AKR1C8: variants seen among roughly 807,000 people sequenced by gnomAD.
The protein encoded by AKR1C8 is aldo-keto reductase family 1 member C-like protein 1.
chr10:5,137,322 C>G, the AKR1C8 span, among the ~76,000 whole-genome samples: 3 of 152,074 alleles, frequency 2.0e-5, no homozygotes, highest in African/African-American at 7.2e-5. Flanking sequence ...ACCAATATCC[C>G]TGATGAGCAT....
chr10:5,178,841 C>T, the AKR1C8 span, among the ~76,000 whole-genome samples: 1 of 151,984 alleles, frequency 6.6e-6, no homozygotes, highest in Non-Finnish European at 1.5e-5. Context: ...GTAGATCTTC[C>T]TCCATCCTTT....
At chr10:5,135,434 G>T in the AKR1C8 span, among the ~76,000 whole-genome samples, 2 of 152,188 alleles carry the variant, frequency 1.3e-5, no homozygotes, top group South Asian at 4.2e-4. Context: ...TTATCAAAGA[G>T]AATTCTTAAG....
At chr10:5,176,050 C>T in the AKR1C8 span, among the ~76,000 whole-genome samples, 7 of 151,732 alleles carry the variant, frequency 4.6e-5, no homozygotes, top group Non-Finnish European at 1.0e-4. Flanking sequence ...GAAGTCCTTG[C>T]CCATGCCTAT....
the AKR1C8 span, among the ~76,000 whole-genome samples, chr10:5,145,603 A>T: frequency 6.6e-6 from 1 of 152,248 alleles, no homozygotes; most frequent in Non-Finnish European, 1.5e-5. Flanking sequence ...AAAAATGCTC[A>T]TCATCACTGG....
the AKR1C8 span, among the ~76,000 whole-genome samples, chr10:5,180,302 T>C: frequency 6.6e-6 from 1 of 152,226 alleles, no homozygotes; most frequent in Admixed American, 6.5e-5. Context: ...TTTCATGAAC[T>C]GCGAATGCTG....
chr10:5,173,374 G>C, the AKR1C8 span, among the ~76,000 whole-genome samples: 2 of 152,128 alleles, frequency 1.3e-5, no homozygotes, highest in Non-Finnish European at 2.9e-5. Flanking sequence ...GGATGGCAGA[G>C]GTGGTTTTTG....
At chr10:5,153,825 G>T in the AKR1C8 span, among the ~76,000 whole-genome samples, 1 of 152,072 alleles carries the variant, frequency 6.6e-6, no homozygotes, top group Non-Finnish European at 1.5e-5. Flanking sequence ...TTTGTGTGGG[G>T]ACACAGATCC....
At chr10:5,166,597 G>T in the AKR1C8 span, among the ~76,000 whole-genome samples, 3 of 152,188 alleles carry the variant, frequency 2.0e-5, no homozygotes, top group Non-Finnish European at 2.9e-5. Flanking sequence ...GTAGAAAGCT[G>T]AAACTGGATC....
the AKR1C8 span, among the ~76,000 whole-genome samples, chr10:5,176,376 T>C: frequency 1.4e-5 from 2 of 144,298 alleles, no homozygotes; most frequent in Non-Finnish European, 3.1e-5. Flanking sequence ...TTTTGGTTAC[T>C]GTAGCCTTGT....
chr10:5,174,319 AC>A, the AKR1C8 span, among the ~76,000 whole-genome samples: 3 of 145,230 alleles, frequency 2.1e-5, no homozygotes, highest in African/African-American at 5.0e-5. Context: ...TAAAAAAAAA[AC>A]CACCAAAGAT....
the AKR1C8 span, among the ~76,000 whole-genome samples, chr10:5,137,480 C>G: frequency 1.2e-4 from 19 of 152,082 alleles, no homozygotes; most frequent in Admixed American, 2.6e-4. Context: ...ATCACATAAA[C>G]AGGACCAACA....
the AKR1C8 span, among the ~76,000 whole-genome samples, chr10:5,169,748 G>A: frequency 3.9e-5 from 6 of 152,016 alleles, no homozygotes; most frequent in East Asian, 1.9e-4. Flanking sequence ...CATTTCTCAC[G>A]AGGGTAGCAT....
chr10:5,170,765 A>T, the AKR1C8 span, among the ~76,000 whole-genome samples: 470 of 152,254 alleles, frequency 3.1e-3, 3 homozygotes, highest in Non-Finnish European at 5.8e-3. Flanking sequence ...ATTCCAGTCA[A>T]AGCCTTGGTA....
chr10:5,118,361 C>T, the AKR1C8 span, among the ~76,000 whole-genome samples: 1 of 59,158 alleles, frequency 1.7e-5, no homozygotes, highest in African/African-American at 6.7e-5. Context: ...TGTCTAGATT[C>T]TTCTTGGCCT....
the AKR1C8 span, among the ~76,000 whole-genome samples, chr10:5,145,734 T>C: frequency 6.6e-6 from 1 of 152,154 alleles, no homozygotes; most frequent in Non-Finnish European, 1.5e-5. Context: ...ATAGGAACAC[T>C]TTTACACTAT....
chr10:5,157,086 G>A, the AKR1C8 span, among the ~76,000 whole-genome samples: 1 of 152,126 alleles, frequency 6.6e-6, no homozygotes, highest in Non-Finnish European at 1.5e-5. Flanking sequence ...CAGGGGAAGG[G>A]TAATAAAAGA....
chr10:5,139,133 C>G, the AKR1C8 span, among the ~76,000 whole-genome samples: 2 of 152,126 alleles, frequency 1.3e-5, no homozygotes, highest in Non-Finnish European at 2.9e-5. Context: ...GAACTACAAA[C>G]CACTGCTCAA....
At chr10:5,125,091 T>G in the AKR1C8 span, among the ~76,000 whole-genome samples, 1 of 152,188 alleles carries the variant, frequency 6.6e-6, no homozygotes, top group African/African-American at 2.4e-5. Flanking sequence ...TACCACTTAT[T>G]TAACATCTCT....
the AKR1C8 span, among the ~76,000 whole-genome samples, chr10:5,149,780 C>A: frequency 1.3e-5 from 2 of 151,666 alleles, no homozygotes; most frequent in African/African-American, 2.4e-5. Context: ...CAAACACATT[C>A]TTATTAAACT....
Sources: allele counts gnomAD v4.1 joint callset (sites outside exome capture counted in the v4.1 genomes callset), GRCh38; gene constraint gnomAD v4.1.1; transcripts MANE v1.5; gene names NCBI Gene and HGNC (gene_info 2026-07-23, HGNC 2026-07-21).